Variants in PWP1 observed in about 807,000 individuals in gnomAD.
PWP1 encodes the protein periodic tryptophan protein 1 homolog.
A neutral mutation model predicts 69.9 loss-of-function variants in PWP1; 47 were observed. The observed-to-expected ratio is 0.67, with a 90% confidence interval of 0.53 to 0.86. The LOEUF (loss-of-function observed/expected upper bound fraction) is 0.86, where lower values mean the gene tolerates loss of function less well. Among genes scored for constraint, PWP1 ranks in the 40% least tolerant of loss-of-function variants. PWP1 has a pLI of 0.00. For missense variants in PWP1, 551 were observed against 608.8 expected (o/e 0.91, Z 1.00); for synonymous variants, 222 against 208.2 (o/e 1.07, Z -0.57).
At chr12:107,688,571 A>T in intron 2 of PWP1, 44 bp from the exon 3 acceptor site, 1 of 1,610,204 alleles carries the variant, frequency 6.2e-7, no homozygotes, top group Non-Finnish European at 8.5e-7. Flanking sequence ...TTGTTATTAG[A>T]AGGTAGCATT....
In PWP1 at chr12:107,697,392, C is replaced by T. The variant is rs1257029408; in HGVS notation, c.614-75C>T. ...TCTAAAGCATTTTTCAGTTAATCTA[C>T]AGTATAATGTATTTGATTAGAAGTT... is the stretch of plus-strand genomic sequence containing the variant. On this transcript the variant is annotated intron_variant, in intron 6 of 14. Transcript: ENST00000412830. The T allele has an allele frequency of 4.3e-6, 6 of 1,407,266 alleles. No homozygotes were observed. In the African/African-American group the frequency reaches 7.3e-5, roughly 17 times the overall value. 87.2% of individuals were successfully genotyped at this position (1,407,266 alleles called of 1,614,324 possible).
intron 10 of PWP1, 52 bp from the exon 11 acceptor site, chr12:107,704,584 C>A: frequency 8.3e-7 from 1 of 1,203,604 alleles, no homozygotes; most frequent in Non-Finnish European, 1.2e-6. Context: ...ATAAATAAAA[C>A]ATATAGGAGA....
chr12:107,697,335 C>T, intron 6 of PWP1, 132 bp from the exon 7 acceptor site: 1 of 811,982 alleles, frequency 1.2e-6, no homozygotes, highest in South Asian at 2.9e-5. Context: ...CATTCAGATG[C>T]CGCATATGCA....
intron 3 of PWP1, among the ~76,000 whole-genome samples, chr12:107,689,553 C>T (rs968578237): frequency 7.2e-5 from 11 of 152,146 alleles, no homozygotes; most frequent in Admixed American, 3.3e-4. Flanking sequence ...CGAGACCAGC[C>T]GGGCCAACAT....
chr12:107,694,695 T>G (rs1370730278), intron 5 of PWP1, among the ~76,000 whole-genome samples: 6 of 152,250 alleles, frequency 3.9e-5, no homozygotes, highest in African/African-American at 7.2e-5. Context: ...GAGTTTTTTT[T>G]GTCATCATCG....
At chr12:107,710,648 G>T in intron 14 of PWP1, 138 bp downstream of exon 14, 1 of 1,352,042 alleles carries the variant, frequency 7.4e-7, no homozygotes, top group Non-Finnish European at 9.7e-7. Context: ...TCAGCCTTCT[G>T]TATAGCTGGG....
In PWP1 at chr12:107,692,678, C is replaced by T; in HGVS notation, c.320-136C>T. ...TTCCTGCTGCTGCTTACGTAGTTTCCTTTCCCAACTCTAGATGATCCAGAG... is the reference window on the plus strand; with the variant it reads ...TTCCTGCTGCTGCTTACGTAGTTTCTTTTCCCAACTCTAGATGATCCAGAG... On this transcript the variant is annotated intron_variant, in intron 3 of 14. Coordinates refer to ENST00000412830, the MANE Select transcript of PWP1 (RefSeq NM_007062.3). 3 of 731,296 alleles carry T rather than the reference C, an allele frequency of 4.1e-6. No individual in the cohort carries two copies. In the South Asian group the frequency reaches 6.4e-5, roughly 16 times the overall value. The allele number at this position is 731,296 out of a possible 1,614,324, so 45.3% of individuals were successfully genotyped here.
Position 107,709,149 on chromosome 12 carries a change from ACTGC to A in PWP1, c.1208_1211del (p.Thr403IlefsTer7). The A allele has an allele frequency of 6.2e-7, 1 of 1,614,012 alleles. No homozygotes were observed. The highest frequency in any genetic ancestry group is 2.2e-5 in the East Asian group (1 of 44,860). On this transcript the variant is annotated frameshift_variant, in exon 13 of 15. Transcript: ENST00000412830. LOFTEE classifies it high-confidence loss of function. ...CAGTCAAATCAAGGGCTGTCTCGTG[ACTGC>A]TTCAGCTGACAAATACGTGAAGATC...
chr12:107,686,184 T>A, intron 1 of PWP1: 3 of 603,246 alleles, frequency 5.0e-6, no homozygotes, highest in South Asian at 2.0e-5. Context: ...GCCTTCTCAC[T>A]GTTCCCACCC....
intron 11 of PWP1, among the ~76,000 whole-genome samples, chr12:107,706,059 G>T (rs1429738443): frequency 6.6e-6 from 1 of 152,160 alleles, no homozygotes; most frequent in Non-Finnish European, 1.5e-5. Flanking sequence ...TCCAGCACCT[G>T]TTGTTTCCTG....
intron 3 of PWP1, among the ~76,000 whole-genome samples, chr12:107,689,721 G>C (rs1889444518): frequency 6.6e-6 from 1 of 152,184 alleles, no homozygotes; most frequent in African/African-American, 2.4e-5. Context: ...ACTCCAGCCT[G>C]GGTGACACAG....
intron 11 of PWP1, among the ~76,000 whole-genome samples, chr12:107,707,600 C>A (rs1485916936): frequency 1.3e-5 from 2 of 152,170 alleles, no homozygotes; most frequent in Admixed American, 6.5e-5. Flanking sequence ...AGAGTTTTAG[C>A]ATGAAGGGCT....
chr12:107,704,232 A>G (rs554717433), intron 10 of PWP1, among the ~76,000 whole-genome samples: 4 of 152,352 alleles, frequency 2.6e-5, no homozygotes, highest in Non-Finnish European at 5.9e-5. Context: ...ACGCAGAATT[A>G]CAAAAGTGCA....
intron 13 of PWP1, among the ~76,000 whole-genome samples, chr12:107,709,955 A>G (rs919088135): frequency 1.3e-5 from 2 of 152,204 alleles, no homozygotes; most frequent in Non-Finnish European, 2.9e-5. Context: ...AGATTTTCAT[A>G]TATTTTTCTT....
chr12:107,688,979 C>A (rs1052788323), intron 3 of PWP1, among the ~76,000 whole-genome samples, 177 bp downstream of exon 3: 1 of 152,024 alleles, frequency 6.6e-6, no homozygotes, highest in Non-Finnish European at 1.5e-5. Context: ...TAAACTCTAA[C>A]CCACTAAGAT....
At chr12:107,701,582 T>A (rs1479976516) in intron 8 of PWP1, among the ~76,000 whole-genome samples, 3 of 152,212 alleles carry the variant, frequency 2.0e-5, no homozygotes, top group Non-Finnish European at 4.4e-5. Flanking sequence ...TACATTGAAG[T>A]CTATGATCCA....
At chr12:107,709,563 G>C (rs1186507525) in intron 13 of PWP1, among the ~76,000 whole-genome samples, 2 of 145,440 alleles carry the variant, frequency 1.4e-5, no homozygotes, top group Non-Finnish European at 1.5e-5. Context: ...AAGAAATCTT[G>C]AACCTCAGGG....
chr12:107,686,297 A>G (rs1889363693), intron 1 of PWP1, among the ~76,000 whole-genome samples: 1 of 152,142 alleles, frequency 6.6e-6, no homozygotes, highest in Admixed American at 6.5e-5. Flanking sequence ...AGGCTTTTTG[A>G]CAACACCACT....
At chr12:107,689,014 A>T (rs74468350) in intron 3 of PWP1, among the ~76,000 whole-genome samples, 4 of 152,180 alleles carry the variant, frequency 2.6e-5, no homozygotes, top group African/African-American at 9.7e-5. Context: ...TAAAAAAAAA[A>T]GTACTGTGTA....
Sources: gnomAD v4.1 joint callset for allele counts (sites outside exome capture counted in the v4.1 genomes callset) on GRCh38, gnomAD v4.1.1 for gene constraint, MANE v1.5 for transcripts, NCBI Gene and HGNC (gene_info 2026-07-23, HGNC 2026-07-21) for gene names.